SUGCT: variants seen among roughly 807,000 people sequenced by gnomAD.
SUGCT encodes succinyl-CoA:glutarate CoA-transferase.
A neutral mutation model predicts 55.0 loss-of-function variants in SUGCT; 41 were observed. That is an observed-to-expected ratio of 0.74 (90% CI 0.58 to 0.97). SUGCT has a LOEUF of 0.97. Among genes scored for constraint, SUGCT ranks in the 50% least tolerant of loss-of-function variants. The pLI is 0.00. For missense variants in SUGCT, 568 were observed against 547.8 expected, an observed-to-expected ratio of 1.04 and a Z score of -0.37; for synonymous variants, 187 against 200.4, an observed-to-expected ratio of 0.93 and a Z score of 0.56.
chr7:40,635,368 A>T (rs1799980152), intron 12 of SUGCT, among the ~76,000 whole-genome samples: 1 of 152,202 alleles, frequency 6.6e-6, no homozygotes, highest in Non-Finnish European at 1.5e-5. Flanking sequence ...AGAAAGAAAA[A>T]GTTGGATATA....
At chr7:40,983,983 G>C in the SUGCT span, among the ~76,000 whole-genome samples, 279 of 152,208 alleles carry the variant, frequency 1.8e-3, no homozygotes, top group Non-Finnish European at 3.2e-3. Flanking sequence ...AACCAAGGGG[G>C]CCTCTGTAGC....
chr7:40,890,249 T>TA, the SUGCT span, among the ~76,000 whole-genome samples: 1 of 144,116 alleles, frequency 6.9e-6, no homozygotes, highest in African/African-American at 2.5e-5. Context: ...AATATTTATA[T>TA]TATATATTTA....
At chr7:40,943,301 TTAAG>T in the SUGCT span, among the ~76,000 whole-genome samples, 2 of 151,306 alleles carry the variant, frequency 1.3e-5, no homozygotes, top group African/African-American at 2.4e-5. Context: ...TTATTATACT[TTAAG>T]TTTTAGGGTA....
chr7:40,589,737 T>A (rs1797610555), intron 12 of SUGCT, among the ~76,000 whole-genome samples: 1 of 152,176 alleles, frequency 6.6e-6, no homozygotes, highest in South Asian at 2.1e-4. Context: ...AATGTTAATA[T>A]CTCCATAAAT....
At chr7:40,724,285 T>G (rs936377517) in intron 12 of SUGCT, among the ~76,000 whole-genome samples, 5 of 152,208 alleles carry the variant, frequency 3.3e-5, no homozygotes, top group African/African-American at 1.2e-4. Flanking sequence ...GTGGCATTCT[T>G]GGTCATTTCT....
At chr7:40,634,467 G>C (rs1177557008) in intron 12 of SUGCT, among the ~76,000 whole-genome samples, 2 of 152,176 alleles carry the variant, frequency 1.3e-5, no homozygotes, top group Non-Finnish European at 1.5e-5. Context: ...ACAGGAACTG[G>C]AACTATGATT....
At chr7:40,903,156 C>G in the SUGCT span, among the ~76,000 whole-genome samples, 4 of 151,950 alleles carry the variant, frequency 2.6e-5, no homozygotes, top group South Asian at 8.3e-4. Flanking sequence ...CTCAGCCTCC[C>G]AAGTAGCTGG....
chr7:40,490,180 G>A (rs1015490331), intron 11 of SUGCT, among the ~76,000 whole-genome samples: 2 of 152,200 alleles, frequency 1.3e-5, no homozygotes, highest in Non-Finnish European at 2.9e-5. Context: ...CTGTTCGTGG[G>A]TTCAAGCCTG....
intron 12 of SUGCT, among the ~76,000 whole-genome samples, chr7:40,654,898 A>G (rs565610044): frequency 6.6e-6 from 1 of 152,314 alleles, no homozygotes; most frequent in African/African-American, 2.4e-5. Flanking sequence ...TAGACAATAC[A>G]ATTAGAGGGA....
chr7:40,914,353 G>A, the SUGCT span, among the ~76,000 whole-genome samples: 2 of 145,764 alleles, frequency 1.4e-5, no homozygotes, highest in Non-Finnish European at 3.0e-5. Context: ...ATGTATACAT[G>A]TGCCATGCTG....
At chr7:40,900,883 G>A in the SUGCT span, among the ~76,000 whole-genome samples, 18 of 152,330 alleles carry the variant, frequency 1.2e-4, 1 homozygote, top group South Asian at 3.7e-3. Flanking sequence ...AGGATTTTAG[G>A]TGGTTTTCAA....
chr7:40,303,208 G>A (rs892010734), intron 8 of SUGCT, among the ~76,000 whole-genome samples: 1 of 151,206 alleles, frequency 6.6e-6, no homozygotes, highest in African/African-American at 2.4e-5. Flanking sequence ...TAATTTTTGT[G>A]TTTTTAGTAG....
chr7:40,210,991 T>C (rs1787303092), intron 6 of SUGCT, among the ~76,000 whole-genome samples: 1 of 152,154 alleles, frequency 6.6e-6, no homozygotes, highest in African/African-American at 2.4e-5. Flanking sequence ...GAAAGAAATT[T>C]AGAACTCGTA....
At chr7:40,258,396 T>C (rs943699422) in intron 7 of SUGCT, among the ~76,000 whole-genome samples, 2 of 152,224 alleles carry the variant, frequency 1.3e-5, no homozygotes, top group African/African-American at 2.4e-5. Flanking sequence ...TTTTTCTTTT[T>C]GAGACGGAGT....
intron 9 of SUGCT, among the ~76,000 whole-genome samples, chr7:40,370,757 A>G (rs1158059890): frequency 1.3e-5 from 2 of 152,076 alleles, no homozygotes. Flanking sequence ...GGCTTTCTAA[A>G]TATTTCTATA....
chr7:40,814,767 A>G (rs1237485809), intron 13 of SUGCT, among the ~76,000 whole-genome samples: 4 of 152,076 alleles, frequency 2.6e-5, no homozygotes, highest in Non-Finnish European at 5.9e-5. Context: ...CAAATTCCTC[A>G]TGGTGCCAGA....
chr7:40,574,238 A>G (rs972882469), intron 12 of SUGCT, among the ~76,000 whole-genome samples: 1 of 152,168 alleles, frequency 6.6e-6, no homozygotes, highest in Non-Finnish European at 1.5e-5. Context: ...GAGCATTCCT[A>G]CATTCTATTG....
chr7:40,911,262 A>G, the SUGCT span, among the ~76,000 whole-genome samples: 1 of 152,216 alleles, frequency 6.6e-6, no homozygotes, highest in South Asian at 2.1e-4. Context: ...CAAAAGTTGT[A>G]TCAAAGTCTA....
At chr7:40,418,861 T>C (rs943499999) in intron 9 of SUGCT, among the ~76,000 whole-genome samples, 3 of 152,190 alleles carry the variant, frequency 2.0e-5, no homozygotes, top group African/African-American at 7.2e-5. Flanking sequence ...TCTAGGATAG[T>C]GAAAATAAGT....
Sources: allele counts gnomAD v4.1 joint callset (sites outside exome capture counted in the v4.1 genomes callset), GRCh38; gene constraint gnomAD v4.1.1; transcripts MANE v1.5; gene names NCBI Gene and HGNC (gene_info 2026-07-23, HGNC 2026-07-21).